Variants in CDK13 observed in about 807,000 individuals in gnomAD.
CDK13 encodes cyclin dependent kinase 13, also known as cyclin-dependent kinase 13.
In CDK13, 40 loss-of-function variants were observed where a neutral mutation model predicts 137.6. The ratio of observed to expected loss-of-function variants is 0.29; its 90% CI spans 0.23 to 0.38. CDK13 has a LOEUF of 0.38. Ranked by LOEUF, CDK13 falls within the 10% of genes least tolerant of loss-of-function variation. The pLI is 1.00. For missense variants in CDK13, 1,704 were observed against 1,951.8 expected, an observed-to-expected ratio of 0.87 and a Z score of 2.39; for synonymous variants, 869 against 760.1, an observed-to-expected ratio of 1.14 and a Z score of -2.36.
intron 9 of CDK13, among the ~76,000 whole-genome samples, chr7:40,073,902 CTTTT>C (rs75410283): frequency 7.7e-6 from 1 of 129,614 alleles, no homozygotes; most frequent in African/African-American, 2.8e-5. Context: ...TCTTTTTTTC[CTTTT>C]TTTTTTTTTT....
At chr7:40,003,031 A>G (rs1370221265) in intron 5 of CDK13, among the ~76,000 whole-genome samples, 1 of 151,902 alleles carries the variant, frequency 6.6e-6, no homozygotes, top group Non-Finnish European at 1.5e-5. Context: ...GTGAGCTGTG[A>G]TTGCACCCTG....
At chr7:39,984,270 G>A (rs575554988) in intron 1 of CDK13, 1 of 152,180 alleles carries the variant, frequency 6.6e-6, no homozygotes, top group Admixed American at 6.6e-5. Flanking sequence ...AGTTAGCTGG[G>A]CATGGTGGCG....
intron 5 of CDK13, among the ~76,000 whole-genome samples, chr7:40,013,107 G>C (rs1424060801): frequency 6.6e-6 from 1 of 152,078 alleles, no homozygotes; most frequent in Non-Finnish European, 1.5e-5. Context: ...TTTTACACAT[G>C]CTTACAACAT....
intron 5 of CDK13, among the ~76,000 whole-genome samples, chr7:40,007,551 G>C (rs900093635): frequency 2.0e-5 from 3 of 152,204 alleles, no homozygotes; most frequent in Admixed American, 6.5e-5. Flanking sequence ...CTCAGCCCCT[G>C]AATAGCTGGG....
chr7:39,992,358 C>T (rs1329993678), intron 2 of CDK13, among the ~76,000 whole-genome samples: 1 of 151,946 alleles, frequency 6.6e-6, no homozygotes, highest in Non-Finnish European at 1.5e-5. Flanking sequence ...CCAGCATGCC[C>T]AGCTAAATTT....
intron 7 of CDK13, among the ~76,000 whole-genome samples, chr7:40,049,783 C>T (rs1785839836): frequency 6.6e-6 from 1 of 152,106 alleles, no homozygotes; most frequent in African/African-American, 2.4e-5. Flanking sequence ...TACTCTCTAC[C>T]TCTATGAGTT....
In CDK13 at chr7:40,082,979, T is replaced by C. The variant is rs1016889031; in HGVS notation, c.3029+4128T>C. ...TTAGCCAGGCGTGGTGGCACACGCC[T>C]GTAATCCCAGCTACTCCAGAGGGTG... On this transcript the variant is annotated intron_variant, in intron 11 of 13. Coordinates refer to ENST00000181839, the MANE Select transcript of CDK13 (RefSeq NM_003718.5). Among the ~76,000 whole-genome samples the C allele has an allele frequency of 1.3e-4, 19 of 151,894 alleles. 1 individual carries two copies. The highest frequency in any genetic ancestry group is 6.2e-4 in the South Asian group (3 of 4,814).
chr7:39,990,032 C>A (rs1010494467), intron 2 of CDK13, among the ~76,000 whole-genome samples: 1 of 152,196 alleles, frequency 6.6e-6, no homozygotes, highest in Non-Finnish European at 1.5e-5. Context: ...GATCCACTTG[C>A]CTTGGCCTCC....
In CDK13 at chr7:40,078,052, A is replaced by G. The variant is rs1786585024; in HGVS notation, c.2828A>G (p.Lys943Arg). The G allele has an allele frequency of 3.7e-6, 6 of 1,600,684 alleles. No homozygotes were observed. Among genetic ancestry groups the G allele is most frequent in the Non-Finnish European group, 5.1e-6 (6 of 1,175,556 alleles). The change falls in exon 10 of 14, where the codon AAA becomes AGA. Residue 943 changes from lysine (K) to arginine (R), a missense_variant. This residue lies in a region of CDK13 where 130 missense variants were observed against 362.4 expected (regional missense o/e 0.36). Coordinates refer to ENST00000181839, the MANE Select transcript of CDK13 (RefSeq NM_003718.5). ...PCPAVWPDVI[K>R]LPYFNTMKPK... ...CCTGCAGTGTGGCCTGATGTAATCA[A>G]ACTACCATATTTCAACACCATGAAA...
intron 5 of CDK13, among the ~76,000 whole-genome samples, chr7:40,025,421 A>C (rs1785223247): frequency 6.6e-6 from 1 of 152,052 alleles, no homozygotes; most frequent in African/African-American, 2.4e-5. Flanking sequence ...ATAATTTAAA[A>C]ATTATTTAAA....
chr7:39,981,393 TA>T (rs11346207), intron 1 of CDK13, among the ~76,000 whole-genome samples: 34,942 of 151,642 alleles, frequency 0.23, 7,045 homozygotes, highest in African/African-American at 0.53. Flanking sequence ...AATTATCTAT[TA>T]AACAAGGAGG....
At chr7:39,987,373 A>G (rs1784361687) in intron 1 of CDK13, among the ~76,000 whole-genome samples, 1 of 152,152 alleles carries the variant, frequency 6.6e-6, no homozygotes, top group Non-Finnish European at 1.5e-5. Flanking sequence ...TAATTTTTAC[A>G]TTTGTAGACC....
intron 12 of CDK13, chr7:40,092,490 A>G (rs541999496): frequency 3.4e-5 from 11 of 326,178 alleles, no homozygotes; most frequent in African/African-American, 1.7e-4. Flanking sequence ...CCCATTCACA[A>G]TGTGCTGTTT....
chr7:39,965,735 T>G (rs1783856727), intron 1 of CDK13, among the ~76,000 whole-genome samples: 1 of 152,236 alleles, frequency 6.6e-6, no homozygotes, highest in Non-Finnish European at 1.5e-5. Flanking sequence ...CAATTTGGTA[T>G]GTTTTTGCAG....
At chr7:39,993,122 T>G (rs1784498175) in intron 2 of CDK13, among the ~76,000 whole-genome samples, 1 of 152,240 alleles carries the variant, frequency 6.6e-6, no homozygotes, top group Non-Finnish European at 1.5e-5. Context: ...GTTAATGGTA[T>G]TTGTCTAATT....
At chr7:39,977,430 G>A (rs1390225836) in intron 1 of CDK13, among the ~76,000 whole-genome samples, 1 of 152,192 alleles carries the variant, frequency 6.6e-6, no homozygotes, top group Non-Finnish European at 1.5e-5. Context: ...TTTAGTTGGG[G>A]AAGATAGATT....
intron 7 of CDK13, among the ~76,000 whole-genome samples, chr7:40,060,217 TTTG>T (rs1181978299): frequency 6.6e-6 from 1 of 152,196 alleles, no homozygotes; most frequent in Non-Finnish European, 1.5e-5. Context: ...GTCACCTGAA[TTTG>T]TTTAGTTTCT....
chr7:40,058,819 TGATA>T (rs1339022881), intron 7 of CDK13, among the ~76,000 whole-genome samples: 2 of 152,148 alleles, frequency 1.3e-5, no homozygotes, highest in African/African-American at 4.8e-5. Context: ...TTTGTAGGTT[TGATA>T]GATTTTTCTG....
chr7:39,959,528 G>T (rs941590083), intron 1 of CDK13, among the ~76,000 whole-genome samples: 3 of 151,334 alleles, frequency 2.0e-5, no homozygotes, highest in African/African-American at 4.9e-5. Context: ...GAGTGCAGTG[G>T]CACCATCTGC....
Sources: allele counts gnomAD v4.1 joint callset (sites outside exome capture counted in the v4.1 genomes callset), GRCh38; gene constraint gnomAD v4.1.1; regional missense constraint gnomAD v4.1.1; transcripts MANE v1.5; gene names NCBI Gene and HGNC (gene_info 2026-07-23, HGNC 2026-07-21).